The following RBL1 variants were observed in gnomAD, a reference collection of about 807,000 sequenced individuals.
RBL1 encodes the protein retinoblastoma-like protein 1.
In RBL1, 82 loss-of-function variants were observed where a neutral mutation model predicts 123.0. That is an observed-to-expected ratio of 0.67 (90% CI 0.56 to 0.80). RBL1 has a LOEUF of 0.80. Among genes scored for constraint, RBL1 ranks in the 30% least tolerant of loss-of-function variants. The pLI is 0.00. For synonymous variants in RBL1, 405 were observed against 441.3 expected, an observed-to-expected ratio of 0.92 and a Z score of 1.03; for missense variants, 1,171 against 1,299.6, an observed-to-expected ratio of 0.90 and a Z score of 1.52.
chr20:37,055,900 T>C (rs1268571417), intron 10 of RBL1, among the ~76,000 whole-genome samples: 1 of 151,790 alleles, frequency 6.6e-6, no homozygotes, highest in Admixed American at 6.6e-5. Flanking sequence ...CATACAAAAT[T>C]AGCCGGTGTG....
chr20:37,013,451 C>T (rs555137942), intron 19 of RBL1, among the ~76,000 whole-genome samples: 5 of 151,554 alleles, frequency 3.3e-5, no homozygotes, highest in East Asian at 1.9e-4. Context: ...ACAAACACTG[C>T]GGAAGGCCGC....
chr20:37,046,740 C>A (rs1325645740), intron 12 of RBL1, among the ~76,000 whole-genome samples: 1 of 151,890 alleles, frequency 6.6e-6, no homozygotes, highest in Non-Finnish European at 1.5e-5. Context: ...TCTCAAGCAG[C>A]TGAGATTACA....
intron 11 of RBL1, among the ~76,000 whole-genome samples, chr20:37,052,752 C>T (rs1220995532): frequency 6.6e-6 from 1 of 152,150 alleles, no homozygotes; most frequent in Non-Finnish European, 1.5e-5. Context: ...TCAGGTGATC[C>T]ACTTGCCTCA....
intron 6 of RBL1, among the ~76,000 whole-genome samples, chr20:37,065,870 T>G (rs1287933570): frequency 6.6e-6 from 1 of 152,168 alleles, no homozygotes; most frequent in East Asian, 1.9e-4. Flanking sequence ...TGCCTTGGCC[T>G]CCCAAAGTGT....
Position 37,035,417 on chromosome 20 carries a change from G to C in RBL1, c.1995C>G (p.Pro665=). ...TCTTGTCCATAAGCATTTCCTTTGG[G>C]GGGTCCTCTCCAAAGAGTCTTCTCT... ...SAKRRLFGED[P]PKEMLMDKII... is the part of the protein sequence containing the mutation. The change falls in exon 15 of 22, where the codon CCC becomes CCG. Residue 665 remains proline, a synonymous_variant. Coordinates refer to ENST00000373664, the MANE Select transcript of RBL1 (RefSeq NM_002895.5). The C allele has an allele frequency of 1.2e-6, 2 of 1,613,980 alleles. No homozygotes were observed. Among genetic ancestry groups the C allele is most frequent in the Non-Finnish European group, 1.7e-6 (2 of 1,179,932 alleles).
At chr20:37,009,560 A>G (rs981186298) in intron 19 of RBL1, among the ~76,000 whole-genome samples, 4 of 150,968 alleles carry the variant, frequency 2.6e-5, no homozygotes, top group African/African-American at 7.3e-5. Flanking sequence ...GGGTCTCCCT[A>G]TGTTTTCTAG....
intron 1 of RBL1, among the ~76,000 whole-genome samples, chr20:37,095,242 G>A (rs754937652): frequency 1.3e-5 from 2 of 152,156 alleles, no homozygotes; most frequent in Non-Finnish European, 2.9e-5. Flanking sequence ...GCTCCACCCT[G>A]GTGAAGCAGA....
intron 12 of RBL1, among the ~76,000 whole-genome samples, chr20:37,046,583 T>C (rs998917484): frequency 6.6e-6 from 1 of 151,570 alleles, no homozygotes; most frequent in African/African-American, 2.4e-5. Context: ...GTGTTCTTGG[T>C]TTCACCCAAG....
intron 16 of RBL1, among the ~76,000 whole-genome samples, chr20:37,030,803 C>T (rs552890301): frequency 1.3e-5 from 2 of 150,214 alleles, no homozygotes; most frequent in Admixed American, 1.3e-4. Context: ...TGCAGTGAGC[C>T]GAGATTGCGC....
chr20:36,999,344 A>C (rs1303044290), intron 21 of RBL1, among the ~76,000 whole-genome samples: 8 of 152,114 alleles, frequency 5.3e-5, no homozygotes, highest in Admixed American at 4.6e-4. Flanking sequence ...TTGAAGCTGC[A>C]GTGAGCAGTG....
chr20:37,061,989 C>A, intron 8 of RBL1, 95 bp downstream of exon 8: 3 of 1,329,700 alleles, frequency 2.3e-6, no homozygotes, highest in Non-Finnish European at 3.0e-6. Flanking sequence ...AGAAGAAGCT[C>A]AAGATTTAAC....
At chr20:37,030,684 G>A (rs757928918) in intron 16 of RBL1, among the ~76,000 whole-genome samples, 76 of 151,714 alleles carry the variant, frequency 5.0e-4, no homozygotes, top group Non-Finnish European at 9.4e-4. Context: ...GTGAAACCTC[G>A]TCTCTACTAA....
intron 11 of RBL1, among the ~76,000 whole-genome samples, chr20:37,055,309 G>GAAAAAA (rs59560599): frequency 4.8e-5 from 4 of 84,012 alleles, no homozygotes; most frequent in African/African-American, 1.2e-4. Context: ...ATGAAGGACA[G>GAAAAAA]AAAAAAAAAA....
At chr20:37,042,848 G>A (rs1335470841) in intron 13 of RBL1, among the ~76,000 whole-genome samples, 2 of 146,912 alleles carry the variant, frequency 1.4e-5, no homozygotes, top group African/African-American at 2.5e-5. Context: ...GCAGTGAGCC[G>A]TGATGGCGCC....
chr20:37,007,678 G>C (rs2064096344), intron 19 of RBL1, 119 bp from the exon 20 acceptor site: 1 of 943,810 alleles, frequency 1.1e-6, no homozygotes, highest in Non-Finnish European at 1.5e-6. Context: ...CTGCAGCCCT[G>C]ACCTCCTGGA....
rs969751621 is a variant in RBL1, at chr20:37,095,755, C to T, written c.156+18G>A. The T allele has an allele frequency of 5.1e-6, 8 of 1,571,642 alleles. No individual in the cohort carries two copies. The highest frequency in any genetic ancestry group is 6.9e-6 in the Non-Finnish European group (8 of 1,153,498). On this transcript the variant is annotated intron_variant, in intron 1 of 21. Transcript: ENST00000373664. ...CTGGCGAGGGTAGGGTCCGGCCGCCCCACCTGCTGCCGCTCACCTCTAGGC... is the reference window on the plus strand; with the variant it reads ...CTGGCGAGGGTAGGGTCCGGCCGCCTCACCTGCTGCCGCTCACCTCTAGGC...
At chr20:37,035,659 C>T in intron 14 of RBL1, 151 bp from the exon 15 acceptor site, 1 of 638,974 alleles carries the variant, frequency 1.6e-6, no homozygotes, top group Non-Finnish European at 2.5e-6. Context: ...ATGTAGTCTA[C>T]TGGGAGAAAG....
intron 1 of RBL1, among the ~76,000 whole-genome samples, chr20:37,092,400 C>A (rs1465716700): frequency 6.6e-6 from 1 of 151,766 alleles, no homozygotes; most frequent in African/African-American, 2.4e-5. Context: ...TGCAGTGGTA[C>A]AATCAGGGCC....
intron 16 of RBL1, among the ~76,000 whole-genome samples, chr20:37,032,039 C>T (rs781557042): frequency 2.0e-5 from 3 of 151,674 alleles, no homozygotes; most frequent in Non-Finnish European, 4.4e-5. Flanking sequence ...TGAGCAACCA[C>T]GCCTGGTTTG....
Sources: allele counts gnomAD v4.1 joint callset (sites outside exome capture counted in the v4.1 genomes callset), GRCh38; gene constraint gnomAD v4.1.1; transcripts MANE v1.5; gene names NCBI Gene and HGNC (gene_info 2026-07-23, HGNC 2026-07-21).